MILR1: variants seen among roughly 807,000 people sequenced by gnomAD.
MILR1 encodes mast cell immunoglobulin like receptor 1, also known as allergin-1.
In MILR1, 31 loss-of-function variants were observed where a neutral mutation model predicts 18.5. The observed-to-expected ratio is 1.68, with a 90% confidence interval of 1.26 to 2.26. The LOEUF is 2.26. Ranked by LOEUF, MILR1 falls within the 30% of genes most tolerant of loss-of-function variation. The pLI, the probability that MILR1 is intolerant of heterozygous loss-of-function variation, is 0.00. For missense variants in MILR1, 257 were observed against 157.4 expected, an observed-to-expected ratio of 1.63 and a Z score of -3.38; for synonymous variants, 85 against 56.2, an observed-to-expected ratio of 1.51 and a Z score of -2.30.
At chr17:64,484,630 G>A in the MILR1 span, among the ~76,000 whole-genome samples, 12 of 152,176 alleles carry the variant, frequency 7.9e-5, no homozygotes, top group African/African-American at 2.7e-4. Context: ...CTCAGGATAC[G>A]TTTTGAAGTT....
chr17:64,470,930 C>T (rs1049753971), downstream of MILR1, among the ~76,000 whole-genome samples: 1 of 152,182 alleles, frequency 6.6e-6, no homozygotes, highest in African/African-American at 2.4e-5. Context: ...CCACTAGTGC[C>T]TCATTTCTTT....
chr17:64,449,228 G>GC lies in MILR1; in HGVS notation c.55+11dup, dbSNP rs1472345249. The GC allele has an allele frequency of 4.0e-5, 19 of 473,352 alleles. No homozygotes were observed. Among genetic ancestry groups the GC allele is most frequent in the Non-Finnish European group, 6.6e-5 (17 of 258,258 alleles). 29.3% of individuals were successfully genotyped at this position (473,352 alleles called of 1,614,324 possible). On this transcript the variant is annotated splice_donor_region_variant and intron_variant, in intron 1 of 9. Coordinates refer to ENST00000619286, the MANE Select transcript of MILR1 (RefSeq NM_001085423.2). ...GCATATTTTCTTCTGTCACTTGTAA[G>GC]CCCCCCTTATCATTCTGAGGCTCGA...
the MILR1 span, among the ~76,000 whole-genome samples, chr17:64,476,668 T>A: frequency 5.3e-5 from 8 of 151,914 alleles, no homozygotes; most frequent in African/African-American, 1.9e-4. Context: ...CTTTTAAAAT[T>A]CTCCATAATA....
At chr17:64,486,411 A>G in the MILR1 span, among the ~76,000 whole-genome samples, 1 of 150,714 alleles carries the variant, frequency 6.6e-6, no homozygotes, top group Non-Finnish European at 1.5e-5. Flanking sequence ...CCCAGGCTGG[A>G]GTGCAATGGC....
the MILR1 span, chr17:64,481,096 T>C: frequency 5.7e-6 from 1 of 175,902 alleles, no homozygotes; most frequent in Non-Finnish European, 1.1e-5. Context: ...CCAGGGTGTT[T>C]AGCAGCATTC....
At chr17:64,461,333 C>T (rs1244096067) in intron 5 of MILR1, among the ~76,000 whole-genome samples, 2 of 151,824 alleles carry the variant, frequency 1.3e-5, no homozygotes, top group Non-Finnish European at 2.9e-5. Context: ...CTGCAGCTTC[C>T]GCCTCCTGGG....
chr17:64,473,395 TC>T (rs1199371891), downstream of MILR1, among the ~76,000 whole-genome samples: 1 of 151,778 alleles, frequency 6.6e-6, no homozygotes, highest in Non-Finnish European at 1.5e-5. Flanking sequence ...CAGTGTTGCT[TC>T]TCCCTAAGGA....
intron 5 of MILR1, among the ~76,000 whole-genome samples, chr17:64,463,063 CAAAAAA>C (rs1298132605): frequency 3.9e-5 from 6 of 152,076 alleles, no homozygotes; most frequent in African/African-American, 1.4e-4. Flanking sequence ...ACACCAGACT[CAAAAAA>C]ACAAAAACAG....
chr17:64,496,917 A>G, the MILR1 span: 1 of 1,612,244 alleles, frequency 6.2e-7, no homozygotes, highest in Non-Finnish European at 8.5e-7. Context: ...AACCCAGACA[A>G]CAGGCACCTG....
In MILR1 at chr17:64,466,298, G is replaced by C. The variant is rs375836215; in HGVS notation, c.854-144G>C. On this transcript the variant is annotated intron_variant, in intron 6 of 9. Transcript: ENST00000619286. ...CAATTCAAGATGTGATTTGGGTGAG[G>C]ACACAGTCAAACCCTATCATCAGCT... 85 of 706,386 alleles carry C rather than the reference G, an allele frequency of 1.2e-4. 2 individuals are homozygous for C. The highest frequency in any genetic ancestry group is 5.9e-4 in the East Asian group (22 of 37,020). 43.8% of individuals were successfully genotyped at this position (706,386 alleles called of 1,614,324 possible).
At chr17:64,496,933 C>T in the MILR1 span, 6 of 1,610,882 alleles carry the variant, frequency 3.7e-6, no homozygotes, top group East Asian at 1.1e-4. Context: ...ACCTGCAGAC[C>T]TTATGGCAGG....
Position 64,460,824 on chromosome 17 carries a change from G to T in MILR1, c.655G>T (p.Gly219Ter), listed in dbSNP as rs1160608693. 1 of 475,042 alleles carries T rather than the reference G, an allele frequency of 2.1e-6. No homozygotes were observed. Among genetic ancestry groups the T allele is most frequent in the Non-Finnish European group, 3.9e-6 (1 of 258,792 alleles). The allele number at this position is 475,042 out of a possible 1,614,324, so 29.4% of individuals were successfully genotyped here. ...CAATGGATGCGGTCTTCTTCCAGGCGGAGACAGCTGTCCTTTCTGTCTGAA... is the reference window on the plus strand; with the variant it reads ...CAATGGATGCGGTCTTCTTCCAGGCTGAGACAGCTGTCCTTTCTGTCTGAA... ...SHPVTMPSTG[G>*]DSCPFCLKLL... The change falls in exon 5 of 10, where the codon GGA (glycine) becomes TGA (stop). Residue 219 changes from glycine (G) to a stop codon, truncating the protein, a stop_gained and splice_region_variant. Transcript: ENST00000619286. LOFTEE classifies it high-confidence loss of function.
At chr17:64,469,904 G>C (rs1295484281), downstream of MILR1, among the ~76,000 whole-genome samples, 2 of 152,154 alleles carry the variant, frequency 1.3e-5, no homozygotes, top group Non-Finnish European at 2.9e-5. Flanking sequence ...AAGCTATAGG[G>C]GAGACAAGGA....
the MILR1 span, among the ~76,000 whole-genome samples, chr17:64,486,224 G>A: frequency 6.6e-6 from 1 of 152,154 alleles, no homozygotes; most frequent in Non-Finnish European, 1.5e-5. Flanking sequence ...TAAAACTATG[G>A]TGCTTGGTTG....
chr17:64,487,956 C>T, the MILR1 span, among the ~76,000 whole-genome samples: 5 of 152,208 alleles, frequency 3.3e-5, no homozygotes, highest in East Asian at 7.7e-4. Flanking sequence ...TCACACTATC[C>T]AGAATAAATT....
At chr17:64,465,915 TA>T (rs1417596330) in intron 6 of MILR1, among the ~76,000 whole-genome samples, 1 of 152,174 alleles carries the variant, frequency 6.6e-6, no homozygotes, top group African/African-American at 2.4e-5. Flanking sequence ...TGCTTTGCAG[TA>T]AACAAGACCC....
the MILR1 span, chr17:64,496,668 G>T: frequency 2.5e-6 from 4 of 1,613,874 alleles, no homozygotes; most frequent in African/African-American, 5.3e-5. Context: ...ACGCCCAAGG[G>T]TCCGAAGCCG....
In MILR1 at chr17:64,465,625, G is replaced by C. The variant is rs782236718; in HGVS notation, c.853+84G>C. ...TAAGGTTGTACAGACATACGGGAGT[G>C]GGGGGTGGAGCAAAAGGGATAGAGT... is the stretch of plus-strand genomic sequence containing the variant. On this transcript the variant is annotated intron_variant, in intron 6 of 9. Coordinates refer to ENST00000619286, the MANE Select transcript of MILR1 (RefSeq NM_001085423.2). The C allele has an allele frequency of 3.9e-5, 55 of 1,405,502 alleles. No individual in the cohort carries two copies. In the Admixed American group the frequency reaches 9.1e-4, roughly 23 times the overall value. The allele number at this position is 1,405,502 out of a possible 1,614,324, so 87.1% of individuals were successfully genotyped here. A position where few individuals can be genotyped will look rare whatever the true frequency, so the allele number is the denominator to read the frequency against.
chr17:64,491,663 C>T, the MILR1 span: 2 of 1,327,604 alleles, frequency 1.5e-6, no homozygotes, highest in South Asian at 1.2e-5. Context: ...GGTACTACAA[C>T]AAGTACATCA....
Sources: gnomAD v4.1 joint callset for allele counts (sites outside exome capture counted in the v4.1 genomes callset) on GRCh38, gnomAD v4.1.1 for gene constraint, MANE v1.5 for transcripts, NCBI Gene and HGNC (gene_info 2026-07-23, HGNC 2026-07-21) for gene names.